The following RALA variants were observed in gnomAD, a reference collection of about 807,000 sequenced individuals.
RALA encodes the protein RAS like proto-oncogene A, also known as ras-related protein Ral-A.
A neutral mutation model predicts 24.0 loss-of-function variants in RALA; 5 were observed. The ratio of observed to expected loss-of-function variants is 0.21; its 90% CI spans 0.11 to 0.44. The LOEUF (loss-of-function observed/expected upper bound fraction) is 0.44. Among genes scored for constraint, RALA ranks in the 20% least tolerant of loss-of-function variants. RALA has a pLI of 0.99. For missense variants in RALA, 95 were observed against 241.2 expected (o/e 0.39, Z 4.01); for synonymous variants, 77 against 83.8 (o/e 0.92, Z 0.44).
At chr7:39,695,328 G>T (rs1792898923) in intron 3 of RALA, among the ~76,000 whole-genome samples, 3 of 151,970 alleles carry the variant, frequency 2.0e-5, no homozygotes, top group South Asian at 4.2e-4. Context: ...ACTTTTAATA[G>T]CTAATACAGT....
At chr7:39,655,407 TATGGAGGGGAG>T in intron 1 of RALA, among the ~76,000 whole-genome samples, 1 of 152,234 alleles carries the variant, frequency 6.6e-6, no homozygotes, top group South Asian at 2.1e-4. Context: ...CAGATCAGTG[TATGGAGGGGAG>T]ATGGAGGGAA....
intron 1 of RALA, among the ~76,000 whole-genome samples, chr7:39,673,338 CTT>C (rs1425826823): frequency 6.6e-6 from 1 of 151,956 alleles, no homozygotes; most frequent in Non-Finnish European, 1.5e-5. Flanking sequence ...AATTAATAGT[CTT>C]TTTTTACTGT....
chr7:39,673,908 C>T (rs568455822), intron 1 of RALA, among the ~76,000 whole-genome samples: 33 of 152,084 alleles, frequency 2.2e-4, no homozygotes, highest in Admixed American at 1.1e-3. Flanking sequence ...CTTTGGAAGG[C>T]CGAGGCAGGT....
At position 39,704,159 on chromosome 7, in the gene RALA, CAAAAAA is replaced by C. The variant is rs796540060; in HGVS notation, c.499-1950_499-1945del. ...CCAGCCTGGGCAACAGAGACTCTCT[CAAAAAA>C]AAAAAAAAAAAAAGAAGTTTAAGAT... On this transcript the variant is annotated intron_variant, in intron 4 of 4. Coordinates refer to ENST00000005257, the MANE Select transcript of RALA (RefSeq NM_005402.4). Among the ~76,000 whole-genome samples the C allele has an allele frequency of 4.3e-4, 50 of 116,994 alleles. 1 individual carries two copies. The highest frequency in any genetic ancestry group is 3.6e-4 in the Non-Finnish European group (21 of 57,646). 76.8% of individuals were successfully genotyped at this position (116,994 alleles called of 152,430 possible). A position where few individuals can be genotyped will look rare whatever the true frequency, so the allele number is the denominator to read the frequency against.
At chr7:39,699,125 T>C (rs887309390) in intron 4 of RALA, among the ~76,000 whole-genome samples, 40 of 101,514 alleles carry the variant, frequency 3.9e-4, no homozygotes, top group African/African-American at 1.7e-3. Flanking sequence ...AATGTTATTT[T>C]TTTTTTTTTT....
intron 3 of RALA, 53 bp from the exon 4 acceptor site, chr7:39,696,632 T>C (rs1314664512): frequency 7.0e-7 from 1 of 1,431,534 alleles, no homozygotes; most frequent in Non-Finnish European, 9.5e-7. Flanking sequence ...AACAAGAACT[T>C]TCTGTGCTAT....
intron 3 of RALA, among the ~76,000 whole-genome samples, chr7:39,691,661 A>G (rs2116084932): frequency 6.6e-6 from 1 of 152,314 alleles, no homozygotes; most frequent in Non-Finnish European, 1.5e-5. Flanking sequence ...AATCTCAAGA[A>G]CTTATTCTAA....
intron 1 of RALA, among the ~76,000 whole-genome samples, chr7:39,663,629 TAAAAAAAA>T (rs545716511): frequency 2.2e-5 from 3 of 138,022 alleles, no homozygotes; most frequent in Non-Finnish European, 1.6e-5. Context: ...AGGGACATTG[TAAAAAAAA>T]AAAAAAGAAA....
intron 1 of RALA, among the ~76,000 whole-genome samples, chr7:39,652,016 T>C (rs1792025827): frequency 6.6e-6 from 1 of 152,226 alleles, no homozygotes; most frequent in African/African-American, 2.4e-5. Flanking sequence ...TAGTAAAGAA[T>C]AGAAATTTCC....
intron 3 of RALA, among the ~76,000 whole-genome samples, chr7:39,691,155 ATTAT>A (rs1247562903): frequency 6.6e-6 from 1 of 152,108 alleles, no homozygotes; most frequent in Non-Finnish European, 1.5e-5. Context: ...AATATTTTTT[ATTAT>A]TTATTGTTTA....
At chr7:39,692,881 G>C (rs947793176) in intron 3 of RALA, among the ~76,000 whole-genome samples, 3 of 152,304 alleles carry the variant, frequency 2.0e-5, no homozygotes, top group Non-Finnish European at 4.4e-5. Context: ...GTTGTTAACA[G>C]CTTCATTCAG....
intron 3 of RALA, among the ~76,000 whole-genome samples, chr7:39,692,431 C>CT (rs779000247): frequency 3.3e-5 from 5 of 152,150 alleles, no homozygotes; most frequent in Non-Finnish European, 7.4e-5. Flanking sequence ...TTGGTTTTTA[C>CT]TTTCCTATGT....
chr7:39,628,046 C>T (rs1791524335), intron 1 of RALA, among the ~76,000 whole-genome samples: 1 of 151,634 alleles, frequency 6.6e-6, no homozygotes, highest in Non-Finnish European at 1.5e-5. Flanking sequence ...TCTACCAATA[C>T]CCAGCTTCTG....
intron 1 of RALA, among the ~76,000 whole-genome samples, chr7:39,633,046 A>C (rs1217359757): frequency 6.6e-6 from 1 of 152,118 alleles, no homozygotes; most frequent in Admixed American, 6.5e-5. Context: ...CCACAGGGTG[A>C]CCTCCTTTTC....
chr7:39,687,708 T>C (rs1792733642), intron 2 of RALA, among the ~76,000 whole-genome samples: 1 of 152,192 alleles, frequency 6.6e-6, no homozygotes, highest in African/African-American at 2.4e-5. Flanking sequence ...ACTTCTGTTT[T>C]CTCCCAACAA....
At chr7:39,649,746 G>A (rs73387331) in intron 1 of RALA, among the ~76,000 whole-genome samples, 4,389 of 152,168 alleles carry the variant, frequency 0.029, 227 homozygotes, top group African/African-American at 0.1. Flanking sequence ...ACTCATGAAA[G>A]GAATGAATGT....
chr7:39,693,683 C>T (rs1384064728), intron 3 of RALA, among the ~76,000 whole-genome samples: 1 of 152,212 alleles, frequency 6.6e-6, no homozygotes, highest in Non-Finnish European at 1.5e-5. Flanking sequence ...TTCACAAGTA[C>T]TGCATATATT....
chr7:39,636,032 C>A (rs1309678432), intron 1 of RALA, among the ~76,000 whole-genome samples: 2 of 152,162 alleles, frequency 1.3e-5, no homozygotes, highest in African/African-American at 2.4e-5. Flanking sequence ...TTGTAGCATG[C>A]GGCAATACTT....
intron 1 of RALA, among the ~76,000 whole-genome samples, chr7:39,641,904 AC>A (rs758605516): frequency 6.6e-6 from 1 of 152,202 alleles, no homozygotes; most frequent in Non-Finnish European, 1.5e-5. Flanking sequence ...ACTGTGTGGA[AC>A]TTACATTTCT....
Sources: allele counts gnomAD v4.1 joint callset (sites outside exome capture counted in the v4.1 genomes callset), GRCh38; gene constraint gnomAD v4.1.1; transcripts MANE v1.5; gene names NCBI Gene and HGNC (gene_info 2026-07-23, HGNC 2026-07-21).